DSCAML1: variants seen among roughly 807,000 people sequenced by gnomAD.
The protein encoded by DSCAML1 is DS cell adhesion molecule like 1, also known as cell adhesion molecule DSCAML1.
Under a neutral mutation model 200.5 loss-of-function variants are expected in DSCAML1, and 38 were observed. The observed-to-expected ratio is 0.19, with a 90% confidence interval of 0.15 to 0.25. The LOEUF is 0.25. DSCAML1 is among the 10% of genes least tolerant of loss of function. DSCAML1 has a pLI of 1.00. For missense variants in DSCAML1, 2,223 were observed against 2,858.8 expected (o/e 0.78, Z 5.07); for synonymous variants, 1,215 against 1,165.0 (o/e 1.04, Z -0.87).
chr11:117,768,896 TG>T (rs1313432758), intron 3 of DSCAML1, among the ~76,000 whole-genome samples: 3 of 151,114 alleles, frequency 2.0e-5, no homozygotes, highest in African/African-American at 7.3e-5. Flanking sequence ...TAAAATATGG[TG>T]AAACCCCGTC....
intron 3 of DSCAML1, among the ~76,000 whole-genome samples, chr11:117,537,440 G>C (rs1032893885): frequency 9.9e-5 from 15 of 152,226 alleles, no homozygotes; most frequent in African/African-American, 3.6e-4. Context: ...GCTGTACAAA[G>C]GGGGGCTGGG....
intron 27 of DSCAML1, among the ~76,000 whole-genome samples, chr11:117,434,874 C>T (rs2047879703): frequency 1.3e-5 from 2 of 152,184 alleles, no homozygotes; most frequent in Admixed American, 6.5e-5. Flanking sequence ...CATCCATTTA[C>T]CCAATTCCTG....
At chr11:117,736,680 A>G (rs1025909676) in intron 3 of DSCAML1, among the ~76,000 whole-genome samples, 6 of 152,130 alleles carry the variant, frequency 3.9e-5, no homozygotes, top group African/African-American at 1.4e-4. Context: ...CTCCTCCCTG[A>G]TCCCCTTTCC....
chr11:117,518,485 C>T lies in DSCAML1; in HGVS notation c.1491G>A (p.Gln497=). The change falls in exon 7 of 33, where the codon CAG becomes CAA. Residue 497 remains glutamine (Q), a synonymous_variant. Transcript: ENST00000651296. The surrounding 1 kb of genome is among the most constrained non-coding windows in gnomAD (Gnocchi z 6.3). ...AGGCACCTCTTACGTTTATTCGCGC[C>T]TGATATTCAGCACTGCCCACCAAGT... ...ARNLVGSAEY[Q]ARINVRGPPS... 24 of 1,614,228 alleles carry T rather than the reference C, an allele frequency of 1.5e-5. No individual in the cohort carries two copies. The highest frequency in any genetic ancestry group is 2.0e-5 in the Non-Finnish European group (24 of 1,180,040).
chr11:117,613,431 T>C (rs1231969623), intron 3 of DSCAML1, among the ~76,000 whole-genome samples: 1 of 152,044 alleles, frequency 6.6e-6, no homozygotes, highest in Non-Finnish European at 1.5e-5. Flanking sequence ...TGAGGAATAA[T>C]AGGGTGCGCT....
At chr11:117,784,991 C>T (rs1469358228) in intron 1 of DSCAML1, among the ~76,000 whole-genome samples, 2 of 152,198 alleles carry the variant, frequency 1.3e-5, no homozygotes, top group East Asian at 3.9e-4. Flanking sequence ...GAATTCCAAG[C>T]CCTCTCCAAA....
intron 3 of DSCAML1, among the ~76,000 whole-genome samples, chr11:117,702,380 C>T (rs2053686958): frequency 6.6e-6 from 1 of 152,074 alleles, no homozygotes; most frequent in African/African-American, 2.4e-5. Context: ...GCTTGGATAG[C>T]CCTTGCCTTC....
In DSCAML1 at chr11:117,482,019, T is replaced by C. The variant is rs746952101; in HGVS notation, c.2503A>G (p.Met835Val). 1.2e-6 allele frequency: 2 copies of C among 1,614,166 alleles called. No individual in the cohort carries two copies. Among genetic ancestry groups the C allele is most frequent in the Non-Finnish European group, 1.7e-6 (2 of 1,179,988 alleles). The change falls in exon 12 of 33, where the codon ATG becomes GTG. Residue 835 changes from methionine (M) to valine (V), a missense_variant. Physicochemically the swap from Met to Val is conservative, Grantham distance 21. Transcript: ENST00000651296. Reference protein sequence around the residue: ...GDTVIDPDRVMRYAIATKDNG... With the variant: ...GDTVIDPDRVVRYAIATKDNG... The stretch of plus-strand genomic sequence containing the variant: ...TCCTTGGTGGCGATGGCATACCGCA[T>C]GACGCGGTCAGGGTCGATGACTGTG...
chr11:117,768,984 G>C (rs2054948323), intron 3 of DSCAML1, among the ~76,000 whole-genome samples: 1 of 149,272 alleles, frequency 6.7e-6, no homozygotes, highest in African/African-American at 2.5e-5. Flanking sequence ...GCTGAGACAA[G>C]AGAATCACTT....
intron 3 of DSCAML1, among the ~76,000 whole-genome samples, chr11:117,588,376 T>G (rs780302638): frequency 1.3e-5 from 2 of 152,168 alleles, no homozygotes; most frequent in Non-Finnish European, 2.9e-5. Flanking sequence ...TTCCAATCAC[T>G]TTTGATTTCC....
chr11:117,748,401 G>A (rs1388179793), intron 3 of DSCAML1, among the ~76,000 whole-genome samples: 1 of 152,182 alleles, frequency 6.6e-6, no homozygotes, highest in African/African-American at 2.4e-5. Flanking sequence ...CAATAAGCCT[G>A]CTCCCTCTCC....
chr11:117,694,091 A>AT (rs1295385184), intron 3 of DSCAML1, among the ~76,000 whole-genome samples: 1 of 144,490 alleles, frequency 6.9e-6, no homozygotes, highest in Non-Finnish European at 1.5e-5. Context: ...ACATATATAT[A>AT]TATTTTTTAA....
intron 3 of DSCAML1, among the ~76,000 whole-genome samples, chr11:117,658,284 T>G (rs969318240): frequency 6.6e-6 from 1 of 152,196 alleles, no homozygotes; most frequent in Non-Finnish European, 1.5e-5. Flanking sequence ...TTATCTGAGC[T>G]TGAACAGTTT....
intron 1 of DSCAML1, among the ~76,000 whole-genome samples, chr11:117,814,977 C>G (rs1322775665): frequency 6.6e-6 from 1 of 152,240 alleles, no homozygotes; most frequent in African/African-American, 2.4e-5. Flanking sequence ...CACTCGGTTA[C>G]TGATTGATAG....
intron 29 of DSCAML1, among the ~76,000 whole-genome samples, chr11:117,432,767 C>T (rs964559773): frequency 7.2e-6 from 1 of 139,060 alleles, no homozygotes; most frequent in Non-Finnish European, 1.5e-5. Flanking sequence ...TGTGTCATGC[C>T]TGGCTATTTT....
At chr11:117,741,538 C>G (rs2054423076) in intron 3 of DSCAML1, among the ~76,000 whole-genome samples, 2 of 152,240 alleles carry the variant, frequency 1.3e-5, no homozygotes, top group Admixed American at 1.3e-4. Flanking sequence ...CTTGCATCAC[C>G]AAAGTGGGAA....
chr11:117,611,530 A>G (rs2051693551), intron 3 of DSCAML1: 1 of 152,174 alleles, frequency 6.6e-6, no homozygotes, highest in Non-Finnish European at 1.5e-5. Flanking sequence ...TGGCCTACAG[A>G]AGGCACTCAA....
chr11:117,516,592 A>G lies in DSCAML1; in HGVS notation c.1658T>C (p.Val553Ala), dbSNP rs763481597. 148 of 1,613,826 alleles carry G rather than the reference A, an allele frequency of 9.2e-5. No individual in the cohort carries two copies. Among genetic ancestry groups the G allele is most frequent in the Non-Finnish European group, 1.2e-4 (146 of 1,180,006 alleles). The change falls in exon 8 of 33, where the codon GTG (valine) becomes GCG (alanine). Residue 553 changes from valine (V) to alanine (A), a missense_variant. Transcript: ENST00000651296. This position sits in a 1 kb window ranked among gnomAD's most constrained non-coding sequence, Gnocchi z 5.7. The part of the protein sequence containing the change: ...LLLPDNHRQV[V>A]FENGTLKLTD... ...CAGCTTGAGGGTCCCATTCTCAAAC[A>G]CCACCTGGCGGTGGTTGTCTGGCAG...
intron 12 of DSCAML1, 60 bp from the exon 13 acceptor site, chr11:117,481,330 G>T: frequency 1.3e-6 from 2 of 1,543,968 alleles, no homozygotes. Flanking sequence ...TTTAGAGCTG[G>T]TCAGCTGAAG....
Sources: allele counts gnomAD v4.1 joint callset (sites outside exome capture counted in the v4.1 genomes callset), GRCh38; gene constraint gnomAD v4.1.1; non-coding constraint Gnocchi (gnomAD v3.1); transcripts MANE v1.5; gene names NCBI Gene and HGNC (gene_info 2026-07-23, HGNC 2026-07-21).